LDLRAD4: variants seen among roughly 807,000 people sequenced by gnomAD.
LDLRAD4 encodes low-density lipoprotein receptor class A domain-containing protein 4.
Under a neutral mutation model 17.0 loss-of-function variants are expected in LDLRAD4, and 5 were observed. The observed-to-expected ratio is 0.29, with a 90% CI of 0.15 to 0.62. LDLRAD4 has a LOEUF of 0.62. Ranked by LOEUF, LDLRAD4 falls within the 20% of genes least tolerant of loss-of-function variation. The pLI, the probability that LDLRAD4 is intolerant of heterozygous loss-of-function variation, is 0.84. For synonymous variants in LDLRAD4, 168 were observed against 171.8 expected (o/e 0.98, Z 0.17); for missense variants, 340 against 424.7 (o/e 0.80, Z 1.75).
exon 6 of LDLRAD4, chr18:13,646,888 T>C (rs2043034161): frequency 6.6e-6 from 1 of 152,424 alleles, no homozygotes; most frequent in African/African-American, 2.4e-5. Context: ...ACACAGAACT[T>C]CGTGTGGGAG....
At chr18:13,253,029 G>T (rs1274532997) in intron 1 of LDLRAD4, among the ~76,000 whole-genome samples, 1 of 152,188 alleles carries the variant, frequency 6.6e-6, no homozygotes, top group Non-Finnish European at 1.5e-5. Context: ...CAGGGTGCAG[G>T]CCTGCTTCAC....
At chr18:13,222,535 A>G (rs2041514313) in intron 1 of LDLRAD4, among the ~76,000 whole-genome samples, 1 of 152,220 alleles carries the variant, frequency 6.6e-6, no homozygotes, top group Admixed American at 6.5e-5. Flanking sequence ...CGCTGTCTGC[A>G]ACACGCTTGC....
chr18:13,368,391 GC>G (rs1242200966), intron 1 of LDLRAD4, among the ~76,000 whole-genome samples: 2 of 152,170 alleles, frequency 1.3e-5, no homozygotes, highest in Non-Finnish European at 2.9e-5. Context: ...TGTGAGGTGT[GC>G]ACTGCCCCGG....
chr18:13,277,360 C>T (rs1030447642), upstream of LDLRAD4, among the ~76,000 whole-genome samples: 6 of 152,226 alleles, frequency 3.9e-5, no homozygotes, highest in African/African-American at 1.4e-4. Flanking sequence ...CTGAGTTCAC[C>T]TGAAACTGCT....
chr18:13,639,190 A>G (rs2042316605), intron 4 of LDLRAD4, among the ~76,000 whole-genome samples: 1 of 152,238 alleles, frequency 6.6e-6, no homozygotes. Flanking sequence ...GTTGATTAAA[A>G]TTGGCCCCAT....
At chr18:13,494,750 T>TTCATTGA (rs1652790953) in intron 3 of LDLRAD4, among the ~76,000 whole-genome samples, 12 of 137,228 alleles carry the variant, frequency 8.7e-5, no homozygotes, top group African/African-American at 3.2e-4. Flanking sequence ...ACAGTGGGAA[T>TTCATTGA]TAAGGAAGTT....
intron 2 of LDLRAD4, among the ~76,000 whole-genome samples, chr18:13,401,577 C>G (rs1395587553): frequency 6.6e-6 from 1 of 152,156 alleles, no homozygotes; most frequent in Non-Finnish European, 1.5e-5. Flanking sequence ...GGAAGTCACC[C>G]ACCCCGTAGT....
At chr18:13,343,516 T>A (rs1270259794) in intron 1 of LDLRAD4, among the ~76,000 whole-genome samples, 1 of 152,194 alleles carries the variant, frequency 6.6e-6, no homozygotes, top group Non-Finnish European at 1.5e-5. Context: ...AAGTCTTTGC[T>A]ATTGTGAATA....
At chr18:13,297,793 G>A (rs974733150) in intron 1 of LDLRAD4, among the ~76,000 whole-genome samples, 1 of 152,116 alleles carries the variant, frequency 6.6e-6, no homozygotes, top group East Asian at 1.9e-4. Flanking sequence ...GAGTGAGACC[G>A]TCTCTAAAAC....
intron 3 of LDLRAD4, among the ~76,000 whole-genome samples, chr18:13,531,875 G>A (rs2094133747): frequency 6.6e-6 from 1 of 152,192 alleles, no homozygotes; most frequent in Non-Finnish European, 1.5e-5. Context: ...AGGCTGCGCT[G>A]AGGATGCAGG....
intron 3 of LDLRAD4, among the ~76,000 whole-genome samples, chr18:13,525,354 A>T (rs1336721145): frequency 6.6e-6 from 1 of 152,214 alleles, no homozygotes; most frequent in Admixed American, 6.5e-5. Context: ...CCACGCCCTG[A>T]GTCCATTCTG....
At chr18:13,547,467 C>T (rs1378064067) in intron 3 of LDLRAD4, among the ~76,000 whole-genome samples, 1 of 152,210 alleles carries the variant, frequency 6.6e-6, no homozygotes, top group Non-Finnish European at 1.5e-5. Context: ...GAGTTTTGCT[C>T]AGGCCCACTG....
intron 3 of LDLRAD4, among the ~76,000 whole-genome samples, chr18:13,555,660 T>C (rs9949433): frequency 0.014 from 2,154 of 152,334 alleles, 59 homozygotes; most frequent in African/African-American, 0.049. Context: ...ATGTGATCAG[T>C]TGGTTTTTGA....
At position 13,387,773 on chromosome 18, in the gene LDLRAD4, T is replaced by A; in HGVS notation, c.40+11T>A. 4 of 1,612,802 alleles carry A rather than the reference T, an allele frequency of 2.5e-6. No individual in the cohort carries two copies. The highest frequency in any genetic ancestry group is 3.4e-6 in the Non-Finnish European group (4 of 1,178,832). ...CAAATGCTTTCACAGGTGAGCATGCTCCAGGTAATCCGAGGCTTTGCCTCC... is the reference window on the plus strand; with the variant it reads ...CAAATGCTTTCACAGGTGAGCATGCACCAGGTAATCCGAGGCTTTGCCTCC... On this transcript the variant is annotated intron_variant, in intron 2 of 5. Transcript: ENST00000359446.
intron 3 of LDLRAD4, among the ~76,000 whole-genome samples, chr18:13,457,043 G>A (rs1028819772): frequency 6.6e-6 from 1 of 152,234 alleles, no homozygotes; most frequent in Admixed American, 6.5e-5. Flanking sequence ...GGCCTAGTGT[G>A]TGGGGCTTCC....
At chr18:13,243,515 C>T (rs2042775427) in intron 1 of LDLRAD4, among the ~76,000 whole-genome samples, 1 of 151,454 alleles carries the variant, frequency 6.6e-6, no homozygotes, top group South Asian at 2.1e-4. Context: ...TCCATTCACC[C>T]ACCCATCCAT....
intron 1 of LDLRAD4, among the ~76,000 whole-genome samples, chr18:13,270,314 G>T (rs368087204): frequency 1.4e-4 from 21 of 151,716 alleles, no homozygotes; most frequent in African/African-American, 4.8e-4. Flanking sequence ...GCTATGAGCT[G>T]TGATGGCTTC....
rs563146201 is a variant in LDLRAD4 at position 13,370,003 on chromosome 18, G to A, written c.-382-17338G>A. Among the ~76,000 whole-genome samples, 5 of 152,310 alleles carry A rather than the reference G, an allele frequency of 3.3e-5. No individual in the cohort carries two copies. In the East Asian group the frequency reaches 5.8e-4, roughly 18 times the overall value. On this transcript the variant is annotated intron_variant, in intron 1 of 5. Transcript: ENST00000359446. ...TTTTGCGCTCTTGCCACTAGAATGC[G>A]TCTCCATTAGCATGGAATAGTCAAT...
At chr18:13,502,675 C>T (rs947533989) in intron 3 of LDLRAD4, among the ~76,000 whole-genome samples, 5 of 152,230 alleles carry the variant, frequency 3.3e-5, no homozygotes, top group East Asian at 1.9e-4. Context: ...GCTTGGGCCA[C>T]GGCTGCCTGA....
Sources: allele counts gnomAD v4.1 joint callset (sites outside exome capture counted in the v4.1 genomes callset), GRCh38; gene constraint gnomAD v4.1.1; transcripts MANE v1.5; gene names NCBI Gene and HGNC (gene_info 2026-07-23, HGNC 2026-07-21).